The following RANBP10 variants were observed in gnomAD, a reference collection of about 807,000 sequenced individuals.
RANBP10 encodes RAN binding protein 10, also known as ran-binding protein 10.
RANBP10 carries 24 observed loss-of-function variants against 72.8 expected under a neutral mutation model. The observed-to-expected ratio is 0.33, with a 90% confidence interval of 0.24 to 0.46. RANBP10 has a LOEUF of 0.46. RANBP10 is among the 20% of genes least tolerant of loss of function. The probability of loss-of-function intolerance (pLI) is 1.00; values close to 1 mark genes in which losing one functional copy is unlikely to be tolerated. For synonymous variants in RANBP10, 310 were observed against 322.3 expected, an observed-to-expected ratio of 0.96 and a Z score of 0.41; for missense variants, 679 against 817.5, an observed-to-expected ratio of 0.83 and a Z score of 2.07.
At chr16:67,768,647 T>C (rs867233118) in intron 3 of RANBP10, among the ~76,000 whole-genome samples, 12 of 152,082 alleles carry the variant, frequency 7.9e-5, no homozygotes, top group African/African-American at 2.7e-4. Flanking sequence ...GCCTGCAAGG[T>C]TGAGGCTGCA....
intron 1 of RANBP10, 129 bp from the exon 2 acceptor site, chr16:67,805,668 G>A (rs1191234719): frequency 8.5e-6 from 6 of 706,966 alleles, no homozygotes; most frequent in African/African-American, 1.8e-5. Flanking sequence ...ACAGGCCGAG[G>A]AATCATTAGA....
intron 2 of RANBP10, among the ~76,000 whole-genome samples, chr16:67,782,553 G>A (rs1473831406): frequency 6.6e-6 from 1 of 152,038 alleles, no homozygotes; most frequent in Non-Finnish European, 1.5e-5. Context: ...CCAGGTTCAG[G>A]CAATTCTCCT....
chr16:67,779,408 A>G (rs1238466630), intron 2 of RANBP10, among the ~76,000 whole-genome samples: 1 of 152,040 alleles, frequency 6.6e-6, no homozygotes. Flanking sequence ...AAGAAAAAAA[A>G]AAAAAAACAC....
At chr16:67,760,505 A>C (rs2054376190) in intron 3 of RANBP10, among the ~76,000 whole-genome samples, 1 of 152,136 alleles carries the variant, frequency 6.6e-6, no homozygotes, top group South Asian at 2.1e-4. Context: ...GCTCTAGGGG[A>C]AGGAAAGATG....
At chr16:67,771,143 T>C (rs2054599742) in intron 3 of RANBP10, among the ~76,000 whole-genome samples, 1 of 151,368 alleles carries the variant, frequency 6.6e-6, no homozygotes, top group South Asian at 2.1e-4. Context: ...GCTCCTGTGG[T>C]CCCAGCTACT....
In RANBP10 at chr16:67,747,844, G is replaced by A. The variant is rs986307951; in HGVS notation, c.401-3389C>T. Among the ~76,000 whole-genome samples the A allele has an allele frequency of 8.5e-5, 12 of 141,776 alleles. No homozygotes were observed. The South Asian group carries it at 9.1e-4, about 11-fold the overall frequency. 93.0% of individuals were successfully genotyped at this position (141,776 alleles called of 152,430 possible). On this transcript the variant is annotated intron_variant, in intron 3 of 13. Transcript: ENST00000317506. ...TTTTTTTTTTTTTTTTTTTTAAGAC[G>A]GAGTCTCACTCTGTCGCCCAGGCTG...
At chr16:67,783,588 T>C (rs1354738367) in intron 2 of RANBP10, among the ~76,000 whole-genome samples, 1 of 152,138 alleles carries the variant, frequency 6.6e-6, no homozygotes, top group Non-Finnish European at 1.5e-5. Context: ...AGGTTCCTTA[T>C]TAGAGGAGGA....
chr16:67,766,719 T>C (rs1381641785), intron 3 of RANBP10, among the ~76,000 whole-genome samples: 1 of 152,124 alleles, frequency 6.6e-6, no homozygotes, highest in Non-Finnish European at 1.5e-5. Context: ...TGATCCAGCC[T>C]CAGGTATTCC....
At chr16:67,803,165 G>A (rs2143028064) in intron 2 of RANBP10, among the ~76,000 whole-genome samples, 1 of 152,270 alleles carries the variant, frequency 6.6e-6, no homozygotes, top group South Asian at 2.1e-4. Flanking sequence ...GGTGGAAGGT[G>A]AAAATAGGAG....
chr16:67,779,305 G>A (rs943994778), intron 2 of RANBP10, among the ~76,000 whole-genome samples: 1 of 151,806 alleles, frequency 6.6e-6, no homozygotes, highest in Admixed American at 6.6e-5. Context: ...TGAGGTGGGA[G>A]GATGGCTTGA....
In RANBP10 at chr16:67,730,313, C is replaced by G. The variant is rs1388394128; in HGVS notation, c.890-267G>C. Among the ~76,000 whole-genome samples, 2 of 152,180 alleles carry G rather than the reference C, an allele frequency of 1.3e-5. No individual in the cohort carries two copies. Among genetic ancestry groups the G allele is most frequent in the Non-Finnish European group, 2.9e-5 (2 of 68,020 alleles). On this transcript the variant is annotated intron_variant, in intron 7 of 13. Transcript: ENST00000317506. The surrounding 1 kb of genome is among the most constrained non-coding windows in gnomAD (Gnocchi z 4.3). ...AAGGCAGGAGGGTAAATGTGGAGGTCTGCTCCTGCGGGGCACATGGTGCCA... is the reference window on the plus strand; with the variant it reads ...AAGGCAGGAGGGTAAATGTGGAGGTGTGCTCCTGCGGGGCACATGGTGCCA...
Position 67,786,797 on chromosome 16 carries a change from C to T in RANBP10, c.348-14711G>A, listed in dbSNP as rs944088445. On this transcript the variant is annotated intron_variant, in intron 2 of 13. Transcript: ENST00000317506. ...CAAAAATCAGCCAGGCGTAGTGGTA[C>T]ACACCTGTTATTCCAGCTACTCAGG... Among the ~76,000 whole-genome samples the T allele has an allele frequency of 5.9e-5, 9 of 151,768 alleles. No individual in the cohort carries two copies. The South Asian group carries it at 1.9e-3, about 32-fold the overall frequency.
rs182176022 is a variant in RANBP10, at chr16:67,796,159, G to A, written c.347+9269C>T. The stretch of plus-strand genomic sequence containing the variant: ...TTTCAAACTCCTGACCTTGTGATCC[G>A]CCTGCCTCGGCCTCCCAAAGCGCTG... On this transcript the variant is annotated intron_variant, in intron 2 of 13. Coordinates refer to ENST00000317506, the MANE Select transcript of RANBP10 (RefSeq NM_020850.3). Among the ~76,000 whole-genome samples the A allele has an allele frequency of 5.9e-3, 890 of 151,998 alleles. 7 individuals are homozygous for A. Among genetic ancestry groups the A allele is most frequent in the African/African-American group, 0.021 (871 of 41,494 alleles).
intron 3 of RANBP10, among the ~76,000 whole-genome samples, chr16:67,757,800 G>A (rs1024497787): frequency 2.0e-5 from 3 of 152,218 alleles, no homozygotes; most frequent in African/African-American, 7.2e-5. Context: ...CAAGGAACAG[G>A]ACCAATGCAA....
intron 2 of RANBP10, among the ~76,000 whole-genome samples, chr16:67,779,422 G>T (rs190074928): frequency 6.6e-6 from 1 of 150,994 alleles, no homozygotes; most frequent in African/African-American, 2.4e-5. Context: ...AAAACACAGC[G>T]AGATACCACT....
intron 3 of RANBP10, among the ~76,000 whole-genome samples, chr16:67,750,203 A>C (rs527736066): frequency 6.6e-6 from 1 of 152,252 alleles, no homozygotes; most frequent in Non-Finnish European, 1.5e-5. Context: ...CCATGGGGGC[A>C]CACCCCATCC....
At chr16:67,779,749 G>T (rs921883845) in intron 2 of RANBP10, among the ~76,000 whole-genome samples, 3 of 152,210 alleles carry the variant, frequency 2.0e-5, no homozygotes, top group Non-Finnish European at 4.4e-5. Flanking sequence ...TACCCAGTAT[G>T]ATGCTGGGGA....
chr16:67,805,601 T>G (rs2055371479), intron 1 of RANBP10, 62 bp from the exon 2 acceptor site: 2 of 1,392,252 alleles, frequency 1.4e-6, no homozygotes, highest in East Asian at 4.8e-5. Context: ...AGCCTCATTT[T>G]TCTCTGCAAC....
At chr16:67,736,323 G>A (rs1040952626) in intron 5 of RANBP10, among the ~76,000 whole-genome samples, 2 of 152,080 alleles carry the variant, frequency 1.3e-5, no homozygotes, top group African/African-American at 2.4e-5. Context: ...CACCACGCCC[G>A]GCTAATTTTG....
Sources: allele counts gnomAD v4.1 joint callset (sites outside exome capture counted in the v4.1 genomes callset), GRCh38; gene constraint gnomAD v4.1.1; non-coding constraint Gnocchi (gnomAD v3.1); transcripts MANE v1.5; gene names NCBI Gene and HGNC (gene_info 2026-07-23, HGNC 2026-07-21).